The following SGCE variants were observed in gnomAD, a reference collection of about 807,000 sequenced individuals.
SGCE encodes sarcoglycan epsilon, also known as epsilon-sarcoglycan.
Under a neutral mutation model 57.8 loss-of-function variants are expected in SGCE, and 26 were observed. The ratio of observed to expected loss-of-function variants is 0.45; its 90% CI spans 0.33 to 0.62. SGCE has a LOEUF of 0.62. Ranked by LOEUF, SGCE falls within the 20% of genes least tolerant of loss-of-function variation. The pLI is 0.02. For missense variants in SGCE, 468 were observed against 548.6 expected (o/e 0.85, Z 1.47); for synonymous variants, 183 against 189.5 (o/e 0.97, Z 0.28).
At chr7:94,625,310 A>G (rs1221971713) in intron 3 of SGCE, 1 of 152,012 alleles carries the variant, frequency 6.6e-6, no homozygotes, top group Non-Finnish European at 1.5e-5. Context: ...TGTGAAAATG[A>G]GCTATTTACA....
intron 1 of SGCE, among the ~76,000 whole-genome samples, chr7:94,632,265 C>T (rs1804833693): frequency 6.6e-6 from 1 of 151,926 alleles, no homozygotes; most frequent in African/African-American, 2.4e-5. Context: ...CTCCACAGGT[C>T]CTGAAGTGGA....
At chr7:94,637,981 G>A (rs1805825421) in intron 1 of SGCE, among the ~76,000 whole-genome samples, 1 of 152,156 alleles carries the variant, frequency 6.6e-6, no homozygotes, top group African/African-American at 2.4e-5. Context: ...AAAAGGAAGA[G>A]TGACTGTGTC....
chr7:94,649,937 C>T (rs1014618072), intron 1 of SGCE, among the ~76,000 whole-genome samples: 11 of 152,030 alleles, frequency 7.2e-5, no homozygotes, highest in Non-Finnish European at 1.5e-5. Flanking sequence ...TTGTAGAATC[C>T]GAAACTACTC....
At chr7:94,644,751 C>T in intron 1 of SGCE, 1 of 518,920 alleles carries the variant, frequency 1.9e-6, no homozygotes, top group South Asian at 1.8e-5. Context: ...TCTTACCATC[C>T]CCATCCAAGT....
chr7:94,630,749 A>C (rs1211942783), intron 1 of SGCE, among the ~76,000 whole-genome samples: 1 of 151,832 alleles, frequency 6.6e-6, no homozygotes, highest in Admixed American at 6.6e-5. Context: ...TAGTGGCTGC[A>C]ATTTTTAGAG....
At chr7:94,616,149 C>A (rs1055929932) in intron 5 of SGCE, among the ~76,000 whole-genome samples, 5 of 152,112 alleles carry the variant, frequency 3.3e-5, no homozygotes, top group African/African-American at 1.2e-4. Flanking sequence ...TCAGATGCTG[C>A]AGGTTGGGCT....
In SGCE at chr7:94,599,559, A is replaced by C. The variant is rs934930770; in HGVS notation, c.1064+138T>G. On this transcript the variant is annotated intron_variant, in intron 8 of 10. Coordinates refer to ENST00000648936, the MANE Select transcript of SGCE (RefSeq NM_003919.3). ...CCCCTCCTAAATATCTCTATTTAGAAAGCAGCTTTCACATTTATGAAATAA... is the reference window on the plus strand; with the variant it reads ...CCCCTCCTAAATATCTCTATTTAGACAGCAGCTTTCACATTTATGAAATAA... The C allele has an allele frequency of 8.1e-6, 6 of 738,576 alleles. No individual in the cohort carries two copies. The African/African-American group carries it at 1.1e-4, about 13-fold the overall frequency. The allele number at this position is 738,576 out of a possible 1,614,324, so 45.8% of individuals were successfully genotyped here. A position where few individuals can be genotyped will look rare whatever the true frequency, so the allele number is the denominator to read the frequency against.
intron 3 of SGCE, chr7:94,625,566 G>A (rs981785086): frequency 2.6e-5 from 4 of 152,030 alleles, no homozygotes; most frequent in Non-Finnish European, 5.9e-5. Flanking sequence ...TTAAAATACA[G>A]TTTTATTATA....
At chr7:94,652,470 G>C (rs924355097) in intron 1 of SGCE, among the ~76,000 whole-genome samples, 2 of 152,080 alleles carry the variant, frequency 1.3e-5, no homozygotes. Context: ...AACAAGTCAG[G>C]ATTTCTTCAC....
intron 1 of SGCE, among the ~76,000 whole-genome samples, chr7:94,635,929 T>C (rs1438010189): frequency 6.7e-6 from 1 of 149,886 alleles, no homozygotes. Flanking sequence ...CCAGCTATTG[T>C]TTTTTTTTCA....
chr7:94,650,656 A>G (rs1199016401), intron 1 of SGCE, among the ~76,000 whole-genome samples: 1 of 152,214 alleles, frequency 6.6e-6, no homozygotes, highest in East Asian at 1.9e-4. Context: ...AATGTTATCA[A>G]GGTCTTCAAG....
chr7:94,654,600 T>TTTAA (rs1233887494), intron 1 of SGCE, among the ~76,000 whole-genome samples: 1 of 151,952 alleles, frequency 6.6e-6, no homozygotes, highest in African/African-American at 2.4e-5. Context: ...AAAAGCTGCA[T>TTTAA]TTCATTCATT....
At chr7:94,587,671 G>A in intron 10 of SGCE, 1 of 1,523,796 alleles carries the variant, frequency 6.6e-7, no homozygotes, top group African/African-American at 1.4e-5. Context: ...GAACAGTCTT[G>A]TTGAAACATG....
At chr7:94,593,506 A>T (rs1194311072) in intron 9 of SGCE, among the ~76,000 whole-genome samples, 1 of 151,930 alleles carries the variant, frequency 6.6e-6, no homozygotes, top group Non-Finnish European at 1.5e-5. Flanking sequence ...ATAATAATAA[A>T]TTATTTTTTA....
At position 94,607,662 on chromosome 7, in the gene SGCE, C is replaced by T. The variant is rs138978555; in HGVS notation, c.663-4210G>A. On this transcript the variant is annotated intron_variant, in intron 5 of 10. Transcript: ENST00000648936. The stretch of plus-strand genomic sequence containing the variant: ...GAGGGGAATTTCCTCAATTTGATAC[C>T]TACAGCTAACATTACTCTAAATGAG... Among the ~76,000 whole-genome samples, 21 of 152,222 alleles carry T rather than the reference C, an allele frequency of 1.4e-4. No homozygotes were observed. The East Asian group carries it at 3.9e-3, about 28-fold the overall frequency.
intron 10 of SGCE, chr7:94,587,917 C>T: frequency 6.9e-7 from 1 of 1,459,510 alleles, no homozygotes; most frequent in Non-Finnish European, 9.0e-7. Context: ...TTAATAGTTT[C>T]CCTACCACAA....
At chr7:94,635,589 T>A (rs1314953686) in intron 1 of SGCE, among the ~76,000 whole-genome samples, 1 of 152,244 alleles carries the variant, frequency 6.6e-6, no homozygotes, top group East Asian at 1.9e-4. Flanking sequence ...TGTCTCTGCA[T>A]CAAAAGAACT....
At chr7:94,604,891 C>G (rs1453482273) in intron 5 of SGCE, among the ~76,000 whole-genome samples, 1 of 120,270 alleles carries the variant, frequency 8.3e-6, no homozygotes, top group African/African-American at 3.1e-5. Flanking sequence ...GCTGGAAAAA[C>G]TGGATATCCA....
At chr7:94,636,273 T>C (rs1384443003) in intron 1 of SGCE, among the ~76,000 whole-genome samples, 2 of 152,226 alleles carry the variant, frequency 1.3e-5, no homozygotes, top group African/African-American at 4.8e-5. Context: ...GCATGCTACA[T>C]TGAAAAGAGC....
Sources: allele counts gnomAD v4.1 joint callset (sites outside exome capture counted in the v4.1 genomes callset), GRCh38; gene constraint gnomAD v4.1.1; transcripts MANE v1.5; gene names NCBI Gene and HGNC (gene_info 2026-07-23, HGNC 2026-07-21).